Variants in HDAC1 observed in about 807,000 individuals in gnomAD.
The protein encoded by HDAC1 is histone deacetylase 1, also known as protein deacetylase HDAC1.
Under a neutral mutation model 65.5 loss-of-function variants are expected in HDAC1, and 18 were observed. That is an observed-to-expected ratio of 0.27 (90% CI 0.19 to 0.41). The LOEUF is 0.41. Among genes scored for constraint, HDAC1 ranks in the 10% least tolerant of loss-of-function variants. HDAC1 has a pLI of 1.00. For synonymous variants in HDAC1, 211 were observed against 227.9 expected, an observed-to-expected ratio of 0.93 and a Z score of 0.67; for missense variants, 373 against 625.2, an observed-to-expected ratio of 0.60 and a Z score of 4.30.
chr1:32,315,475 C>T (rs1163727163), intron 2 of HDAC1, among the ~76,000 whole-genome samples: 1 of 151,516 alleles, frequency 6.6e-6, no homozygotes, highest in Non-Finnish European at 1.5e-5. Context: ...GTCTCAGCCT[C>T]CTGAGTAGTT....
At chr1:32,328,986 T>G in intron 6 of HDAC1, 82 bp from the exon 7 acceptor site, 2 of 867,466 alleles carry the variant, frequency 2.3e-6, no homozygotes. Flanking sequence ...CTTGAACCTC[T>G]TCCTTTATCC....
At position 32,331,606 on chromosome 1, in the gene HDAC1, C is replaced by A. The variant is rs2148073084; in HGVS notation, c.1088+24C>A. On this transcript the variant is annotated intron_variant, in intron 10 of 13. Coordinates refer to ENST00000373548, the MANE Select transcript of HDAC1 (RefSeq NM_004964.3). The surrounding 1 kb of genome is among the most constrained non-coding windows in gnomAD (Gnocchi z 4.2). ...AAGTGAGTATATCCTCCAGCCACCC[C>A]TTGGTTGAACATTCCTGACTTTGGT... is the stretch of plus-strand genomic sequence containing the variant. 6.2e-7 allele frequency: 1 copy of A among 1,611,906 alleles called. No homozygotes were observed. The highest frequency in any genetic ancestry group is 8.5e-7 in the Non-Finnish European group (1 of 1,177,990).
In HDAC1 at chr1:32,327,575, C is replaced by T. The variant is rs777432206; in HGVS notation, c.534C>T (p.His178=). ...TGCTGTACATTGACATTGATATTCA[C>T]CATGGTGACGGCGTGGAAGAGGCCT... is the stretch of plus-strand genomic sequence containing the variant. ...QRVLYIDIDI[H]HGDGVEEAFY... The change falls in exon 6 of 14, where the codon CAC becomes CAT. Residue 178 remains histidine, a synonymous_variant. Coordinates refer to ENST00000373548, the MANE Select transcript of HDAC1 (RefSeq NM_004964.3). This position sits in a 1 kb window ranked among gnomAD's most constrained non-coding sequence, Gnocchi z 6.0. The T allele has an allele frequency of 4.5e-5, 73 of 1,613,178 alleles. 1 individual carries two copies. The Admixed American group carries it at 1.1e-3, about 25-fold the overall frequency.
chr1:32,319,105 C>T (rs1312284193), intron 3 of HDAC1, among the ~76,000 whole-genome samples: 1 of 151,700 alleles, frequency 6.6e-6, no homozygotes, highest in Admixed American at 6.6e-5. Flanking sequence ...GGCGACAGAG[C>T]GAGACTCCGT....
chr1:32,315,992 G>A (rs1641057036), intron 2 of HDAC1, among the ~76,000 whole-genome samples: 2 of 145,170 alleles, frequency 1.4e-5, no homozygotes, highest in Non-Finnish European at 1.5e-5. Context: ...AAAAAAAAAC[G>A]AAAAAAAAGG....
rs368792504 is a variant in HDAC1 at position 32,302,769 on chromosome 1, A to G, written c.162+36A>G. On this transcript the variant is annotated intron_variant, in intron 2 of 13. Coordinates refer to ENST00000373548, the MANE Select transcript of HDAC1 (RefSeq NM_004964.3). The stretch of plus-strand genomic sequence containing the variant: ...AGAGGTGCTACCGCTCCCTAACCTC[A>G]TCTGCTCTGGTTCCCCATATGCCAT... 412 of 921,562 alleles carry G rather than the reference A, an allele frequency of 4.5e-4. 1 individual carries two copies. Among genetic ancestry groups the G allele is most frequent in the Non-Finnish European group, 6.0e-4 (328 of 547,522 alleles). 57.1% of individuals were successfully genotyped at this position (921,562 alleles called of 1,614,324 possible).
In HDAC1 at chr1:32,330,659, T is replaced by C; in HGVS notation, c.811T>C (p.Leu271=). 1 of 1,613,746 alleles carries C rather than the reference T, an allele frequency of 6.2e-7. No homozygotes were observed. Among genetic ancestry groups the C allele is most frequent in the Non-Finnish European group, 8.5e-7 (1 of 1,179,726 alleles). Residue 271 remains leucine, a synonymous_variant, in exon 8 of 14, where the codon TTA becomes CTA. Transcript: ENST00000373548. This position sits in a 1 kb window ranked among gnomAD's most constrained non-coding sequence, Gnocchi z 4.2. ...CTCAGACTCCCTATCTGGGGATCGG[T>C]TAGGTTGCTTCAATCTAACTATCAA... ...CGSDSLSGDR[L]GCFNLTIKGH...
chr1:32,297,834 G>A (rs1640789842), intron 1 of HDAC1, among the ~76,000 whole-genome samples: 1 of 126,786 alleles, frequency 7.9e-6, no homozygotes, highest in Admixed American at 9.8e-5. Flanking sequence ...CTTTCACCCA[G>A]GCTGGAGCGC....
rs72878743 is a variant in HDAC1 at position 32,316,341 on chromosome 1, A to G, written c.163-324A>G. 7.2e-4 allele frequency among the ~76,000 whole-genome samples: 109 copies of G among 152,244 alleles called. 1 individual carries two copies. The highest frequency in any genetic ancestry group is 3.4e-3 in the Middle Eastern group (1 of 294). Reference sequence around the variant, plus strand: ...TTACAGTTTACAAAGAGATTTAACAACCTCTTCCAATTCTCTCAACTTCCC... The same window carrying G: ...TTACAGTTTACAAAGAGATTTAACAGCCTCTTCCAATTCTCTCAACTTCCC... On this transcript the variant is annotated intron_variant, in intron 2 of 13. Transcript: ENST00000373548.
At chr1:32,293,844 G>A (rs1178721958) in intron 1 of HDAC1, among the ~76,000 whole-genome samples, 1 of 151,510 alleles carries the variant, frequency 6.6e-6, no homozygotes, top group Non-Finnish European at 1.5e-5. Flanking sequence ...AGAGGTTGCA[G>A]TGAGCCAAGA....
chr1:32,320,441 G>T (rs539234189), intron 3 of HDAC1, among the ~76,000 whole-genome samples: 2 of 152,148 alleles, frequency 1.3e-5, no homozygotes, highest in East Asian at 3.9e-4. Context: ...GGGGCTTTTG[G>T]TGAAAACATG....
intron 13 of HDAC1, 123 bp downstream of exon 13, chr1:32,332,872 A>C (rs1641316067): frequency 6.0e-6 from 7 of 1,163,522 alleles, no homozygotes; most frequent in Non-Finnish European, 8.8e-6. Flanking sequence ...TTCAGGGACC[A>C]GTCTGTCCAG....
intron 3 of HDAC1, among the ~76,000 whole-genome samples, chr1:32,319,582 C>T (rs947400617): frequency 1.3e-5 from 2 of 152,014 alleles, no homozygotes; most frequent in Non-Finnish European, 2.9e-5. Flanking sequence ...CTTAACTTGC[C>T]CTTTTAGAAT....
intron 1 of HDAC1, among the ~76,000 whole-genome samples, chr1:32,301,638 C>A (rs1162381294): frequency 6.6e-6 from 1 of 151,718 alleles, no homozygotes; most frequent in African/African-American, 2.4e-5. Context: ...GGCATGGTAG[C>A]ACATGCCTGT....
intron 2 of HDAC1, among the ~76,000 whole-genome samples, chr1:32,304,332 G>A (rs1480040674): frequency 6.6e-6 from 1 of 152,150 alleles, no homozygotes; most frequent in Non-Finnish European, 1.5e-5. Context: ...GGACTACGGA[G>A]CTTTTTTAGG....
intron 2 of HDAC1, among the ~76,000 whole-genome samples, chr1:32,304,130 T>A (rs1188430160): frequency 6.6e-6 from 1 of 152,176 alleles, no homozygotes; most frequent in Admixed American, 6.6e-5. Flanking sequence ...GATGTTGCCT[T>A]ACTACATAAG....
intron 2 of HDAC1, among the ~76,000 whole-genome samples, chr1:32,306,112 G>C (rs933482555): frequency 2.0e-5 from 3 of 151,780 alleles, no homozygotes; most frequent in African/African-American, 7.3e-5. Context: ...TTGTTATCTG[G>C]TAGCACAGTC....
intron 2 of HDAC1, 28 bp downstream of exon 2, chr1:32,302,761 C>G: frequency 1.0e-6 from 1 of 954,252 alleles, no homozygotes. Flanking sequence ...CTACCGCTCC[C>G]TAACCTCATC....
chr1:32,319,420 TG>T (rs1641110343), intron 3 of HDAC1, among the ~76,000 whole-genome samples: 2 of 152,162 alleles, frequency 1.3e-5, no homozygotes, highest in Admixed American at 6.6e-5. Context: ...CTTTATAACC[TG>T]GGGTATCTAC....
Sources: gnomAD v4.1 joint callset for allele counts (sites outside exome capture counted in the v4.1 genomes callset) on GRCh38, gnomAD v4.1.1 for gene constraint, Gnocchi (gnomAD v3.1) non-coding constraint, MANE v1.5 for transcripts, NCBI Gene and HGNC (gene_info 2026-07-23, HGNC 2026-07-21) for gene names.